EEA1: variants seen among roughly 807,000 people sequenced by gnomAD.
EEA1 encodes the protein early endosome antigen 1, 162kD.
EEA1 carries 111 observed loss-of-function variants against 209.2 expected under a neutral mutation model. The ratio of observed to expected loss-of-function variants is 0.53; its 90% confidence interval spans 0.45 to 0.62. The LOEUF (loss-of-function observed/expected upper bound fraction) is 0.62, where lower values mean the gene tolerates loss of function less well. EEA1 is among the 20% of genes least tolerant of loss of function. The probability of loss-of-function intolerance (pLI) is 0.00; values close to 1 mark genes in which losing one functional copy is unlikely to be tolerated. For missense variants in EEA1, 1,343 were observed against 1,530.8 expected, an observed-to-expected ratio of 0.88 and a Z score of 2.05; for synonymous variants, 536 against 540.6, an observed-to-expected ratio of 0.99 and a Z score of 0.12.
chr12:92,797,653 G>T (rs958445674), intron 21 of EEA1, among the ~76,000 whole-genome samples: 5 of 152,074 alleles, frequency 3.3e-5, no homozygotes, highest in African/African-American at 9.7e-5. Flanking sequence ...TGGATACAAG[G>T]CTAGTATATT....
intron 9 of EEA1, among the ~76,000 whole-genome samples, chr12:92,845,530 C>T (rs1877354792): frequency 6.6e-6 from 1 of 152,214 alleles, no homozygotes; most frequent in Admixed American, 6.5e-5. Flanking sequence ...GGACTTTAAC[C>T]TTCTCCTGGG....
intron 3 of EEA1, 108 bp downstream of exon 3, chr12:92,864,752 T>A (rs1416768334): frequency 9.2e-7 from 1 of 1,091,936 alleles, no homozygotes; most frequent in African/African-American, 1.6e-5. Context: ...AGATTTAAAT[T>A]AAATAATACA....
At chr12:92,793,901 C>G (rs1274207994) in intron 21 of EEA1, among the ~76,000 whole-genome samples, 1 of 152,136 alleles carries the variant, frequency 6.6e-6, no homozygotes, top group East Asian at 1.9e-4. Flanking sequence ...AACTAAAGAG[C>G]TTCCGCACGG....
chr12:92,848,071 G>A (rs576296551), intron 9 of EEA1, among the ~76,000 whole-genome samples: 1 of 151,356 alleles, frequency 6.6e-6, no homozygotes, highest in African/African-American at 2.4e-5. Flanking sequence ...AAAATATAAT[G>A]AAATATTAAA....
chr12:92,895,578 T>C (rs1879844636), intron 1 of EEA1, among the ~76,000 whole-genome samples: 1 of 152,068 alleles, frequency 6.6e-6, no homozygotes, highest in South Asian at 2.1e-4. Context: ...CCAAGAGCTC[T>C]CCTGGAGGCA....
intron 1 of EEA1, among the ~76,000 whole-genome samples, chr12:92,912,943 T>C (rs202192487): frequency 2.0e-5 from 3 of 152,232 alleles, no homozygotes; most frequent in East Asian, 1.9e-4. Flanking sequence ...CAATCATCTG[T>C]TGATGGACAC....
chr12:92,798,053 T>C (rs1874735104), intron 21 of EEA1, among the ~76,000 whole-genome samples: 1 of 152,102 alleles, frequency 6.6e-6, no homozygotes, highest in Non-Finnish European at 1.5e-5. Context: ...TTAAGTATAA[T>C]CCATTTTTAC....
chr12:92,811,410 A>G lies in EEA1; in HGVS notation c.2068T>C (p.Leu690=). The part of the protein sequence containing the change: ...QQELNKITTQ[L]DQVTAKLQDK... Reference sequence around the variant, plus strand: ...TGTAACTTTGCAGTGACCTGATCCAACTGAGTAGTAATCTTATTTAACTCC... The same window carrying G: ...TGTAACTTTGCAGTGACCTGATCCAGCTGAGTAGTAATCTTATTTAACTCC... Residue 690 remains leucine, a synonymous_variant, in exon 17 of 29, where the codon TTG becomes CTG. Coordinates refer to ENST00000322349, the MANE Select transcript of EEA1 (RefSeq NM_003566.4). 6.3e-7 allele frequency: 1 copy of G among 1,582,442 alleles called. No individual in the cohort carries two copies. Among genetic ancestry groups the G allele is most frequent in the Non-Finnish European group, 8.6e-7 (1 of 1,167,378 alleles).
chr12:92,827,896 GA>G lies in EEA1; in HGVS notation c.1404+15del. ...GATGCCTCAAGCCTATCAATAAATT[GA>G]AAATGCTAGCTTACCTGCTCTTCTA... is the stretch of plus-strand genomic sequence containing the variant. On this transcript the variant is annotated intron_variant, in intron 12 of 28. Coordinates refer to ENST00000322349, the MANE Select transcript of EEA1 (RefSeq NM_003566.4). The G allele has an allele frequency of 6.6e-7, 1 of 1,522,830 alleles. No homozygotes were observed. The highest frequency in any genetic ancestry group is 2.3e-5 in the Admixed American group (1 of 43,272). The allele number at this position is 1,522,830 out of a possible 1,614,324, so 94.3% of individuals were successfully genotyped here. A position where few individuals can be genotyped will look rare whatever the true frequency, so the allele number is the denominator to read the frequency against.
intron 1 of EEA1, among the ~76,000 whole-genome samples, chr12:92,924,728 A>C (rs1230306212): frequency 6.6e-6 from 1 of 151,726 alleles, no homozygotes; most frequent in Non-Finnish European, 1.5e-5. Context: ...CTGGAATTAG[A>C]GAAGAAAATT....
chr12:92,822,288 G>A (rs780075043), intron 13 of EEA1, among the ~76,000 whole-genome samples: 2 of 152,058 alleles, frequency 1.3e-5, no homozygotes, highest in Non-Finnish European at 2.9e-5. Context: ...TCCCTCTCCA[G>A]TTTCTGTCCA....
Position 92,776,865 on chromosome 12 carries a change from G to A in EEA1, c.4092C>T (p.Gly1364=). Residue 1364 remains glycine (G), a synonymous_variant, in exon 28 of 29, where the codon GGC becomes GGT. Coordinates refer to ENST00000322349, the MANE Select transcript of EEA1 (RefSeq NM_003566.4). Reference sequence around the variant, plus strand: ...TTACCCGTCTCACTGTTACTGAAAAGCCTTTCCCACAGGCCATACAGTTTT... The same window carrying A: ...TTACCCGTCTCACTGTTACTGAAAAACCTTTCCCACAGGCCATACAGTTTT... ...EVQNCMACGK[G]FSVTVRRHHC... 1 of 1,611,744 alleles carries A rather than the reference G, an allele frequency of 6.2e-7. No individual in the cohort carries two copies. Among genetic ancestry groups the A allele is most frequent in the Non-Finnish European group, 8.5e-7 (1 of 1,178,366 alleles).
intron 18 of EEA1, 31 bp downstream of exon 18, chr12:92,808,977 ATCTTTTCCC>A: frequency 6.5e-7 from 1 of 1,542,694 alleles, no homozygotes; most frequent in South Asian, 1.3e-5. Context: ...TTAGTTCACA[ATCTTTTCCC>A]TTAATTTGTA....
intron 3 of EEA1, among the ~76,000 whole-genome samples, chr12:92,861,932 A>C (rs1339241541): frequency 1.3e-5 from 2 of 152,222 alleles, no homozygotes; most frequent in Non-Finnish European, 2.9e-5. Context: ...TGTACTATGT[A>C]CATCTACATA....
At chr12:92,873,533 T>C (rs1171612275) in intron 2 of EEA1, among the ~76,000 whole-genome samples, 1 of 152,226 alleles carries the variant, frequency 6.6e-6, no homozygotes, top group Non-Finnish European at 1.5e-5. Context: ...GAAAGATCAT[T>C]GACATTGACA....
intron 11 of EEA1, among the ~76,000 whole-genome samples, chr12:92,828,629 T>G (rs986277027): frequency 6.7e-6 from 1 of 150,352 alleles, no homozygotes; most frequent in African/African-American, 2.4e-5. Flanking sequence ...CATATATATA[T>G]ATATATGGTG....
chr12:92,820,033 G>A (rs995893618), intron 13 of EEA1, among the ~76,000 whole-genome samples: 3 of 151,848 alleles, frequency 2.0e-5, no homozygotes, highest in African/African-American at 7.3e-5. Flanking sequence ...TTTCCATAGC[G>A]CTTACTTTCC....
chr12:92,873,916 G>A (rs1878760725), intron 2 of EEA1, among the ~76,000 whole-genome samples: 1 of 152,188 alleles, frequency 6.6e-6, no homozygotes, highest in Admixed American at 6.5e-5. Flanking sequence ...TCCAGGGGAT[G>A]AAAATGAGGA....
intron 18 of EEA1, among the ~76,000 whole-genome samples, chr12:92,803,923 CTA>C (rs1279462001): frequency 3.3e-5 from 5 of 151,822 alleles, no homozygotes; most frequent in South Asian, 2.1e-4. Context: ...AATCATAAGA[CTA>C]TGTGAATCAA....
Sources: allele counts gnomAD v4.1 joint callset (sites outside exome capture counted in the v4.1 genomes callset), GRCh38; gene constraint gnomAD v4.1.1; transcripts MANE v1.5; gene names NCBI Gene and HGNC (gene_info 2026-07-23, HGNC 2026-07-21).